Variants in FSTL5 observed in about 807,000 individuals in gnomAD.
FSTL5 encodes the protein follistatin-related protein 5.
Under a neutral mutation model 89.1 loss-of-function variants are expected in FSTL5, and 62 were observed. The observed-to-expected ratio is 0.70, with a 90% CI of 0.57 to 0.86. FSTL5 has a LOEUF of 0.86. FSTL5 is among the 40% of genes least tolerant of loss of function. The pLI is 0.00. For synonymous variants in FSTL5, 383 were observed against 346.2 expected (o/e 1.11, Z -1.18); for missense variants, 1,057 against 1,001.6 (o/e 1.06, Z -0.75).
intron 4 of FSTL5, among the ~76,000 whole-genome samples, chr4:161,802,037 A>T (rs10034608): frequency 0.95 from 144,760 of 151,700 alleles, 69,135 homozygotes; most frequent in South Asian, 0.99. Flanking sequence ...TGCCTTTGTA[A>T]TCTTTTAAAA....
intron 6 of FSTL5, among the ~76,000 whole-genome samples, chr4:161,741,935 C>G (rs769981204): frequency 6.6e-6 from 1 of 151,888 alleles, no homozygotes; most frequent in Admixed American, 6.6e-5. Flanking sequence ...GTCCATTAAA[C>G]GCAGCCTAGA....
At chr4:161,793,288 G>A (rs537173560) in intron 4 of FSTL5, among the ~76,000 whole-genome samples, 9 of 152,222 alleles carry the variant, frequency 5.9e-5, no homozygotes, top group Admixed American at 4.6e-4. Context: ...CTGGTAGTGT[G>A]CCAGGCCTAG....
chr4:161,974,777 C>T (rs1735585318), intron 3 of FSTL5, among the ~76,000 whole-genome samples: 1 of 142,898 alleles, frequency 7.0e-6, no homozygotes, highest in Non-Finnish European at 1.5e-5. Context: ...TAAAGAGCTT[C>T]TGCACAGCAA....
chr4:162,130,439 A>G (rs1732255436), intron 1 of FSTL5, among the ~76,000 whole-genome samples: 1 of 152,178 alleles, frequency 6.6e-6, no homozygotes, highest in Non-Finnish European at 1.5e-5. Context: ...TCCATGCCCT[A>G]TGTGAACAAA....
chr4:161,402,224 A>G (rs1731204387), intron 15 of FSTL5, among the ~76,000 whole-genome samples: 1 of 152,228 alleles, frequency 6.6e-6, no homozygotes, highest in Admixed American at 6.5e-5. Context: ...ATCATTTGCA[A>G]CAAAAAGCAA....
chr4:162,012,354 C>T (rs1440727289), intron 3 of FSTL5, among the ~76,000 whole-genome samples: 5 of 152,150 alleles, frequency 3.3e-5, no homozygotes, highest in South Asian at 2.1e-4. Context: ...ATTATTCCAA[C>T]TGTTCAGGTT....
chr4:161,893,637 T>A (rs1733059276), intron 4 of FSTL5, among the ~76,000 whole-genome samples: 1 of 152,196 alleles, frequency 6.6e-6, no homozygotes, highest in Non-Finnish European at 1.5e-5. Context: ...CATCAGGTAA[T>A]TCAAAATGGT....
chr4:161,493,572 T>C (rs368089405), intron 12 of FSTL5, among the ~76,000 whole-genome samples: 10 of 152,196 alleles, frequency 6.6e-5, no homozygotes, highest in African/African-American at 2.4e-4. Flanking sequence ...ATATGATAGA[T>C]TTGTGTGATT....
At chr4:161,730,918 T>C (rs944184145) in intron 6 of FSTL5, among the ~76,000 whole-genome samples, 2 of 152,222 alleles carry the variant, frequency 1.3e-5, no homozygotes, top group Non-Finnish European at 2.9e-5. Context: ...TTAATTGGGA[T>C]ATATCTATCC....
At chr4:161,812,331 C>T (rs1035130187) in intron 4 of FSTL5, among the ~76,000 whole-genome samples, 4 of 152,134 alleles carry the variant, frequency 2.6e-5, no homozygotes, top group South Asian at 2.1e-4. Context: ...TCATTTTATG[C>T]GTAGGATCAC....
intron 2 of FSTL5, among the ~76,000 whole-genome samples, chr4:162,053,592 A>C (rs962574198): frequency 4.0e-5 from 6 of 151,808 alleles, no homozygotes; most frequent in Admixed American, 3.9e-4. Flanking sequence ...TGAATATAGA[A>C]TATAAATTGA....
intron 3 of FSTL5, among the ~76,000 whole-genome samples, chr4:162,015,561 G>T (rs537913632): frequency 6.6e-6 from 1 of 152,148 alleles, no homozygotes; most frequent in South Asian, 2.1e-4. Flanking sequence ...GCAGTGTAAT[G>T]GGATATGGGG....
At chr4:161,682,668 T>C (rs1420368517) in intron 6 of FSTL5, among the ~76,000 whole-genome samples, 1 of 152,132 alleles carries the variant, frequency 6.6e-6, no homozygotes, top group African/African-American at 2.4e-5. Flanking sequence ...AAAACTGGTA[T>C]AGAGCTGTCG....
intron 5 of FSTL5, among the ~76,000 whole-genome samples, chr4:161,767,849 A>C (rs534294820): frequency 2.6e-5 from 4 of 152,264 alleles, no homozygotes; most frequent in African/African-American, 9.6e-5. Context: ...TCAAATTATC[A>C]TCTATGCATT....
At chr4:161,769,396 T>C (rs975436266) in intron 5 of FSTL5, among the ~76,000 whole-genome samples, 2 of 151,856 alleles carry the variant, frequency 1.3e-5, no homozygotes, top group Non-Finnish European at 2.9e-5. Context: ...ATGAAAACTA[T>C]AGGCCAATAT....
At chr4:161,565,114 G>A (rs1732751382) in intron 8 of FSTL5, among the ~76,000 whole-genome samples, 1 of 151,770 alleles carries the variant, frequency 6.6e-6, no homozygotes, top group African/African-American at 2.4e-5. Context: ...AAAATGTGGG[G>A]CCGAAAGCAA....
intron 2 of FSTL5, among the ~76,000 whole-genome samples, chr4:162,094,205 G>A (rs192520823): frequency 2.6e-5 from 4 of 152,152 alleles, no homozygotes; most frequent in Admixed American, 2.6e-4. Context: ...TGGCTAACAG[G>A]GTGAACCCCT....
chr4:161,507,787 C>T (rs928885255), intron 11 of FSTL5, among the ~76,000 whole-genome samples: 2 of 151,810 alleles, frequency 1.3e-5, no homozygotes, highest in African/African-American at 2.4e-5. Context: ...TTCTGATGCT[C>T]ATGTTTAAAA....
intron 12 of FSTL5, among the ~76,000 whole-genome samples, chr4:161,489,565 G>A (rs556129328): frequency 3.3e-5 from 5 of 152,068 alleles, no homozygotes; most frequent in African/African-American, 1.2e-4. Context: ...CAAAGAATTA[G>A]ATGTGTTTAA....
Sources: allele counts gnomAD v4.1 joint callset (sites outside exome capture counted in the v4.1 genomes callset), GRCh38; gene constraint gnomAD v4.1.1; transcripts MANE v1.5; gene names NCBI Gene and HGNC (gene_info 2026-07-23, HGNC 2026-07-21).